VEGFC: variants seen among roughly 807,000 people sequenced by gnomAD.
VEGFC encodes FLT4 ligand DHM.
In VEGFC, 12 loss-of-function variants were observed where a neutral mutation model predicts 46.1. The observed-to-expected ratio is 0.26, with a 90% CI of 0.17 to 0.42. VEGFC has a LOEUF of 0.42. Among genes scored for constraint, VEGFC ranks in the 10% least tolerant of loss-of-function variants. VEGFC has a pLI of 1.00. For synonymous variants in VEGFC, 232 were observed against 195.5 expected, an observed-to-expected ratio of 1.19 and a Z score of -1.56; for missense variants, 488 against 529.4, an observed-to-expected ratio of 0.92 and a Z score of 0.77.
chr4:176,692,951 G>A (rs951412093), intron 4 of VEGFC, among the ~76,000 whole-genome samples: 26 of 148,656 alleles, frequency 1.7e-4, no homozygotes, highest in East Asian at 9.9e-4. Flanking sequence ...AAACAGAAAG[G>A]ACATCCACAC....
chr4:176,786,275 GT>G (rs1464372566), intron 1 of VEGFC, among the ~76,000 whole-genome samples: 1 of 152,136 alleles, frequency 6.6e-6, no homozygotes, highest in Non-Finnish European at 1.5e-5. Context: ...TTTCTCTTTG[GT>G]TTTCACACTT....
At chr4:176,723,805 G>T (rs1014357382) in intron 3 of VEGFC, among the ~76,000 whole-genome samples, 2 of 148,380 alleles carry the variant, frequency 1.3e-5, no homozygotes, top group African/African-American at 5.0e-5. Flanking sequence ...GCATGTGCAG[G>T]TTTGTGACAT....
chr4:176,723,007 T>C (rs1287356009), intron 3 of VEGFC, among the ~76,000 whole-genome samples: 1 of 152,206 alleles, frequency 6.6e-6, no homozygotes, highest in East Asian at 1.9e-4. Context: ...GAAGACTAAA[T>C]TTATTTACTT....
At chr4:176,743,490 C>T (rs929188314) in intron 1 of VEGFC, among the ~76,000 whole-genome samples, 2 of 150,656 alleles carry the variant, frequency 1.3e-5, no homozygotes, top group African/African-American at 2.4e-5. Context: ...ATGTAGTCAC[C>T]GGATATAAAT....
intron 1 of VEGFC, among the ~76,000 whole-genome samples, chr4:176,778,234 G>T (rs1735848403): frequency 6.6e-6 from 1 of 152,194 alleles, no homozygotes; most frequent in African/African-American, 2.4e-5. Context: ...TGATGGTCTA[G>T]CTGTGGCAAA....
At chr4:176,697,758 G>T (rs1734346667) in intron 4 of VEGFC, among the ~76,000 whole-genome samples, 1 of 151,364 alleles carries the variant, frequency 6.6e-6, no homozygotes, top group African/African-American at 2.4e-5. Context: ...ATGATAGACT[G>T]GATTAAGAAA....
chr4:176,787,473 A>AAG (rs1736022494), intron 1 of VEGFC, among the ~76,000 whole-genome samples: 1 of 148,652 alleles, frequency 6.7e-6, no homozygotes, highest in Non-Finnish European at 1.5e-5. Flanking sequence ...AAAAAAAAAA[A>AAG]GGAAAGAAAG....
intron 1 of VEGFC, among the ~76,000 whole-genome samples, chr4:176,780,381 CAAAAAA>C (rs1252541684): frequency 8.2e-5 from 1 of 12,250 alleles, no homozygotes; most frequent in Non-Finnish European, 1.7e-4. Flanking sequence ...GACTCCATCT[CAAAAAA>C]AAAAAAAAAA....
At chr4:176,701,509 T>A (rs911220137) in intron 4 of VEGFC, among the ~76,000 whole-genome samples, 1 of 152,192 alleles carries the variant, frequency 6.6e-6, no homozygotes, top group Non-Finnish European at 1.5e-5. Context: ...GTGCTTTCAA[T>A]TATCGTATTT....
chr4:176,720,102 G>A (rs1048827536), intron 3 of VEGFC, among the ~76,000 whole-genome samples: 7 of 151,964 alleles, frequency 4.6e-5, no homozygotes, highest in East Asian at 1.9e-4. Context: ...AAATATAAGC[G>A]AATCCTTTGG....
At chr4:176,692,350 C>T (rs1182372689) in intron 4 of VEGFC, among the ~76,000 whole-genome samples, 2 of 134,280 alleles carry the variant, frequency 1.5e-5, no homozygotes, top group Non-Finnish European at 3.0e-5. Context: ...GCCGAGATCC[C>T]GCCACTGCAC....
At chr4:176,718,373 A>G (rs1434637192) in intron 3 of VEGFC, among the ~76,000 whole-genome samples, 1 of 152,178 alleles carries the variant, frequency 6.6e-6, no homozygotes, top group Non-Finnish European at 1.5e-5. Context: ...ACTGCAGTGC[A>G]AAATAATACC....
At chr4:176,758,691 AGTT>A (rs1447715945) in intron 1 of VEGFC, among the ~76,000 whole-genome samples, 11 of 152,052 alleles carry the variant, frequency 7.2e-5, no homozygotes, top group Non-Finnish European at 1.5e-5. Context: ...TGATTACTTT[AGTT>A]TGTGTCCTGT....
At chr4:176,703,548 T>A (rs1184046286) in intron 4 of VEGFC, among the ~76,000 whole-genome samples, 1 of 152,062 alleles carries the variant, frequency 6.6e-6, no homozygotes, top group Non-Finnish European at 1.5e-5. Flanking sequence ...AAGAAACAAG[T>A]TCTAGTATTC....
chr4:176,773,463 G>C (rs1466804782), intron 1 of VEGFC, among the ~76,000 whole-genome samples: 1 of 152,072 alleles, frequency 6.6e-6, no homozygotes, highest in Non-Finnish European at 1.5e-5. Context: ...AATCACCAGA[G>C]AATGAAATAA....
intron 3 of VEGFC, among the ~76,000 whole-genome samples, chr4:176,724,485 A>G (rs962604355): frequency 6.6e-5 from 10 of 152,232 alleles, no homozygotes; most frequent in African/African-American, 1.9e-4. Context: ...AGGCTGTAAT[A>G]AATACTATTT....
chr4:176,756,109 A>G (rs1735428620), intron 1 of VEGFC, among the ~76,000 whole-genome samples: 1 of 152,084 alleles, frequency 6.6e-6, no homozygotes, highest in East Asian at 1.9e-4. Context: ...ATAACTGGAT[A>G]ACCCTGGGCT....
chr4:176,792,117 C>A lies in VEGFC; in HGVS notation c.147+48G>T. 7.0e-7 allele frequency: 1 copy of A among 1,425,906 alleles called. No homozygotes were observed. Among genetic ancestry groups the A allele is most frequent in the Non-Finnish European group, 9.2e-7 (1 of 1,086,892 alleles). 88.3% of individuals were successfully genotyped at this position (1,425,906 alleles called of 1,614,324 possible). A position where few individuals can be genotyped will look rare whatever the true frequency, so the allele number is the denominator to read the frequency against. On this transcript the variant is annotated intron_variant, in intron 1 of 6. Transcript: ENST00000618562. The surrounding 1 kb of genome is among the most constrained non-coding windows in gnomAD (Gnocchi z 6.3). The stretch of plus-strand genomic sequence containing the variant: ...CGCAGGTTCTCGGGTCCGCCGCAGA[C>A]CCTAACGCAAACTCTCGGGTTCTCC...
In VEGFC at chr4:176,687,468, T is replaced by G; in HGVS notation, c.864A>C (p.Glu288Asp). 6.2e-7 allele frequency: 1 copy of G among 1,613,784 alleles called. No individual in the cohort carries two copies. Among genetic ancestry groups the G allele is most frequent in the Non-Finnish European group, 8.5e-7 (1 of 1,179,846 alleles). ...DICGPNKELDEETCQCVCRAG... is the reference protein window; with the variant it reads ...DICGPNKELDDETCQCVCRAG... ...CTCTGCAGACACACTGACAGGTCTC[T>G]TCATCCAGCTCCTTGTTTGGTCCAC... Residue 288 changes from glutamate (E) to aspartate (D), a missense_variant, in exon 6 of 7, where the codon GAA becomes GAC. Coordinates refer to ENST00000618562, the MANE Select transcript of VEGFC (RefSeq NM_005429.5).
Sources: allele counts gnomAD v4.1 joint callset (sites outside exome capture counted in the v4.1 genomes callset), GRCh38; gene constraint gnomAD v4.1.1; non-coding constraint Gnocchi (gnomAD v3.1); transcripts MANE v1.5; gene names NCBI Gene and HGNC (gene_info 2026-07-23, HGNC 2026-07-21).